SLC44A1: variants seen among roughly 807,000 people sequenced by gnomAD.
SLC44A1 encodes solute carrier family 44 member 1.
A neutral mutation model predicts 79.3 loss-of-function variants in SLC44A1; 26 were observed. That is an observed-to-expected ratio of 0.33 (90% CI 0.24 to 0.46). The LOEUF (loss-of-function observed/expected upper bound fraction) is 0.46. SLC44A1 is among the 20% of genes least tolerant of loss of function. The probability of loss-of-function intolerance (pLI) is 1.00; values close to 1 mark genes in which losing one functional copy is unlikely to be tolerated. For missense variants in SLC44A1, 688 were observed against 798.1 expected, an observed-to-expected ratio of 0.86 and a Z score of 1.66; for synonymous variants, 263 against 286.2, an observed-to-expected ratio of 0.92 and a Z score of 0.82.
intron 15 of SLC44A1, among the ~76,000 whole-genome samples, chr9:105,404,149 C>T (rs1314458693): frequency 1.4e-5 from 2 of 147,626 alleles, no homozygotes; most frequent in African/African-American, 5.1e-5. Flanking sequence ...GCAGGAGAAT[C>T]GCTTGAACCT....
At chr9:105,272,609 C>G (rs1395435045) in intron 1 of SLC44A1, among the ~76,000 whole-genome samples, 1 of 149,850 alleles carries the variant, frequency 6.7e-6, no homozygotes, top group Non-Finnish European at 1.5e-5. Context: ...GGTGAAAAAG[C>G]TGATTCATAA....
At chr9:105,386,487 A>G (rs1828629097) in intron 15 of SLC44A1, 1 of 963,022 alleles carries the variant, frequency 1.0e-6, no homozygotes, top group Non-Finnish European at 1.2e-6. Context: ...ATTTATAGCA[A>G]GTTTGTCCAA....
Sources: allele counts gnomAD v4.1 joint callset (sites outside exome capture counted in the v4.1 genomes callset), GRCh38; gene constraint gnomAD v4.1.1; transcripts MANE v1.5; gene names NCBI Gene and HGNC (gene_info 2026-07-23, HGNC 2026-07-21).